The following NLGN4X variants were observed in gnomAD, a reference collection of about 807,000 sequenced individuals.
NLGN4X encodes neuroligin 4 X-linked, also known as neuroligin-4, X-linked.
NLGN4X carries 3 observed loss-of-function variants against 40.3 expected under a neutral mutation model. The observed-to-expected ratio is 0.07, with a 90% CI of 0.03 to 0.19. NLGN4X has a LOEUF of 0.19. Among genes scored for constraint, NLGN4X ranks in the 10% least tolerant of loss-of-function variants. The pLI, the probability that NLGN4X is intolerant of heterozygous loss-of-function variation, is 1.00. For synonymous variants in NLGN4X, 270 were observed against 306.8 expected, an observed-to-expected ratio of 0.88 and a Z score of 1.25; for missense variants, 382 against 708.3, an observed-to-expected ratio of 0.54 and a Z score of 5.23.
At chrX:6,029,518 A>T in intron 2 of NLGN4X, 86 bp from the exon 3 acceptor site, 1 of 963,067 alleles carries the variant, frequency 1.0e-6, no homozygotes, top group Non-Finnish European at 1.5e-6. Context: ...AGATTCACTG[A>T]TTTCCCTATT....
chrX:5,893,741 A>G, intron 5 of NLGN4X, 75 bp from the exon 6 acceptor site: 1 of 1,106,466 alleles, frequency 9.0e-7, no homozygotes, highest in Non-Finnish European at 1.2e-6. Context: ...AAACCAATAA[A>G]TCAGGAAGTT....
At chrX:5,959,920 T>A (rs931157130) in intron 3 of NLGN4X, among the ~76,000 whole-genome samples, 1 of 111,265 alleles carries the variant, frequency 9.0e-6, no homozygotes, top group Admixed American at 9.6e-5. Flanking sequence ...ACGAAAAGAA[T>A]TACCCCTGGA....
At chrX:5,906,659 C>T (rs774264669) in intron 4 of NLGN4X, among the ~76,000 whole-genome samples, 7 of 110,625 alleles carry the variant, frequency 6.3e-5, no homozygotes, top group Non-Finnish European at 1.1e-4. Context: ...CACAAGCATG[C>T]GCCACCAGGC....
intron 2 of NLGN4X, among the ~76,000 whole-genome samples, chrX:6,145,028 C>T (rs1196132338): frequency 9.0e-6 from 1 of 111,317 alleles, no homozygotes; most frequent in Non-Finnish European, 1.9e-5. Context: ...CAATCTCAGC[C>T]TCTAAGGCAT....
intron 1 of NLGN4X, among the ~76,000 whole-genome samples, chrX:6,184,540 T>TG (rs200465346): frequency 5.2e-4 from 42 of 80,985 alleles, no homozygotes; most frequent in South Asian, 1.7e-3. Context: ...GAACAAATGC[T>TG]GGGGGGGGTG....
At chrX:6,007,627 A>T (rs1224140615) in intron 3 of NLGN4X, among the ~76,000 whole-genome samples, 2 of 112,166 alleles carry the variant, frequency 1.8e-5, no homozygotes, top group African/African-American at 3.2e-5. Context: ...GCAAATACAA[A>T]ATATAGCATG....
At chrX:6,200,697 T>TTC (rs59013126) in intron 1 of NLGN4X, among the ~76,000 whole-genome samples, 1 of 88,923 alleles carries the variant, frequency 1.1e-5, no homozygotes, top group Non-Finnish European at 2.2e-5. Flanking sequence ...CTTTTTTTTT[T>TTC]TTTTTTTTTT....
At position 5,895,519 on chromosome X, in the gene NLGN4X, C is replaced by T. The variant is rs113368444; in HGVS notation, c.1602-1853G>A. Reference sequence around the variant, plus strand: ...ATAAAAGTATATTGTATATTACATACTATATACAAGTATACTGCATACCAC... The same window carrying T: ...ATAAAAGTATATTGTATATTACATATTATATACAAGTATACTGCATACCAC... On this transcript the variant is annotated intron_variant, in intron 5 of 5. Coordinates refer to ENST00000381095, the MANE Select transcript of NLGN4X (RefSeq NM_181332.3). Among the ~76,000 whole-genome samples, 770 of 111,137 alleles carry T rather than the reference C, an allele frequency of 6.9e-3. 8 individuals carry two copies. Among genetic ancestry groups the T allele is most frequent in the African/African-American group, 0.024 (737 of 30,570 alleles).
chrX:6,219,174 T>TAC (rs1444553079), intron 1 of NLGN4X, among the ~76,000 whole-genome samples: 9 of 99,442 alleles, frequency 9.1e-5, no homozygotes, highest in South Asian at 4.9e-4. Context: ...TATATATATA[T>TAC]ACACACACAC....
intron 1 of NLGN4X, among the ~76,000 whole-genome samples, chrX:6,174,138 A>G (rs2040668619): frequency 8.9e-6 from 1 of 112,224 alleles, no homozygotes; most frequent in Non-Finnish European, 1.9e-5. Context: ...AAAAGAGGGC[A>G]TATAAGCAAT....
At chrX:5,971,583 T>C (rs1291691820) in intron 3 of NLGN4X, among the ~76,000 whole-genome samples, 2 of 111,589 alleles carry the variant, frequency 1.8e-5, no homozygotes, top group East Asian at 2.8e-4. Context: ...CTTCAAATGG[T>C]AGATGTTCAT....
At chrX:5,926,279 G>A (rs2033314491) in intron 3 of NLGN4X, among the ~76,000 whole-genome samples, 1 of 110,005 alleles carries the variant, frequency 9.1e-6, no homozygotes, top group Non-Finnish European at 1.9e-5. Flanking sequence ...GGAACTGCAA[G>A]TCAAGTAAAC....
chrX:6,099,241 A>G (rs1329559100), intron 2 of NLGN4X, among the ~76,000 whole-genome samples: 1 of 112,461 alleles, frequency 8.9e-6, no homozygotes, highest in African/African-American at 3.2e-5. Flanking sequence ...AGATGGATAG[A>G]TGAATAAACC....
chrX:5,967,417 G>C (rs1398253598), intron 3 of NLGN4X, among the ~76,000 whole-genome samples: 1 of 111,570 alleles, frequency 9.0e-6, no homozygotes, highest in African/African-American at 3.3e-5. Context: ...TAGGAGAAAG[G>C]TGTCTCTTTT....
chrX:5,896,172 A>T (rs2031480089), intron 5 of NLGN4X, among the ~76,000 whole-genome samples: 1 of 111,927 alleles, frequency 8.9e-6, no homozygotes, highest in East Asian at 2.8e-4. Flanking sequence ...GTTGGGTACA[A>T]GGCTATTTTC....
chrX:6,145,932 T>C (rs1211729566), intron 2 of NLGN4X, among the ~76,000 whole-genome samples: 1 of 109,848 alleles, frequency 9.1e-6, no homozygotes, highest in Non-Finnish European at 1.9e-5. Flanking sequence ...CAGAGCAACA[T>C]AGTGACACCC....
intron 5 of NLGN4X, among the ~76,000 whole-genome samples, chrX:5,900,586 TTTTA>T (rs1223001207): frequency 2.3e-4 from 11 of 47,635 alleles, no homozygotes; most frequent in Admixed American, 4.7e-4. Flanking sequence ...TTTTTTTTTT[TTTTA>T]AAGATAAAGG....
chrX:5,926,475 T>C (rs1401137140), intron 3 of NLGN4X, among the ~76,000 whole-genome samples: 1 of 110,677 alleles, frequency 9.0e-6, no homozygotes, highest in Non-Finnish European at 1.9e-5. Context: ...AAATTCAATA[T>C]ATATAGGAAA....
intron 2 of NLGN4X, among the ~76,000 whole-genome samples, chrX:6,034,278 T>A (rs781704150): frequency 1.0e-3 from 114 of 112,195 alleles, no homozygotes; most frequent in Non-Finnish European, 1.8e-3. Flanking sequence ...ACTTAGCATA[T>A]GTTTTCAATG....
Sources: allele counts gnomAD v4.1 joint callset (sites outside exome capture counted in the v4.1 genomes callset), GRCh38; gene constraint gnomAD v4.1.1; transcripts MANE v1.5; gene names NCBI Gene and HGNC (gene_info 2026-07-23, HGNC 2026-07-21).